MOK: variants seen among roughly 807,000 people sequenced by gnomAD.
MOK encodes MOK protein kinase.
A neutral mutation model predicts 54.2 loss-of-function variants in MOK; 59 were observed. The ratio of observed to expected loss-of-function variants is 1.09; its 90% CI spans 0.88 to 1.35. MOK has a LOEUF of 1.35. Ranked by LOEUF, MOK falls within the 40% of genes most tolerant of loss-of-function variation. The pLI, the probability that MOK is intolerant of heterozygous loss-of-function variation, is 0.00. For synonymous variants in MOK, 210 were observed against 202.7 expected, an observed-to-expected ratio of 1.04 and a Z score of -0.31; for missense variants, 517 against 526.2, an observed-to-expected ratio of 0.98 and a Z score of 0.17.
chr14:102,232,724 A>C lies in MOK; in HGVS notation c.693-16T>G, dbSNP rs759620152. 1 of 1,603,480 alleles carries C rather than the reference A, an allele frequency of 6.2e-7. No homozygotes were observed. The stretch of plus-strand genomic sequence containing the variant: ...AGCTCTCGACCTGTATTAAAAACCC[A>C]ATGATAATAAATGGTCATGCTGTCA... On this transcript the variant is annotated splice_polypyrimidine_tract_variant and intron_variant, in intron 8 of 11. Transcript: ENST00000361847. The surrounding 1 kb of genome is among the most constrained non-coding windows in gnomAD (Gnocchi z 5.1).
intron 2 of MOK, among the ~76,000 whole-genome samples, chr14:102,269,338 C>A (rs897873804): frequency 1.5e-4 from 23 of 152,072 alleles, no homozygotes; most frequent in African/African-American, 5.5e-4. Context: ...AGGTGCCCAC[C>A]ACTATCCCAG....
intron 2 of MOK, among the ~76,000 whole-genome samples, chr14:102,266,616 C>G (rs1009920935): frequency 6.6e-6 from 1 of 151,478 alleles, no homozygotes; most frequent in African/African-American, 2.4e-5. Flanking sequence ...GAGTTTCTCT[C>G]TTGTTGCCCA....
At position 102,229,129 on chromosome 14, in the gene MOK, G is replaced by T. The variant is rs1160269872; in HGVS notation, c.*160C>A. 2.9e-6 allele frequency: 2 copies of T among 688,634 alleles called. No individual in the cohort carries two copies. Among genetic ancestry groups the T allele is most frequent in the Admixed American group, 3.3e-5 (1 of 30,486 alleles). 42.7% of individuals were successfully genotyped at this position (688,634 alleles called of 1,614,324 possible). On this transcript the variant is annotated 3_prime_UTR_variant, in exon 12 of 12. Coordinates refer to ENST00000361847, the MANE Select transcript of MOK (RefSeq NM_014226.3). Reference sequence around the variant, plus strand: ...CATCCTAGGCAGCTGCGCGGGCCGCGGGTGCGGCAGGGCGCAGGGCAGCAC... The same window carrying T: ...CATCCTAGGCAGCTGCGCGGGCCGCTGGTGCGGCAGGGCGCAGGGCAGCAC...
chr14:102,286,256 G>A (rs1006745822), intron 1 of MOK, among the ~76,000 whole-genome samples: 20 of 128,070 alleles, frequency 1.6e-4, no homozygotes, highest in African/African-American at 2.4e-4. Context: ...CCGAGATCGC[G>A]CCACTGCACT....
At position 102,230,490 on chromosome 14, in the gene MOK, A is replaced by G. The variant is rs541739177; in HGVS notation, c.982-833T>C. ...CTCCAGCTCCTTTCACACTGCAGCA[A>G]AGCAGGGAGTGTAACGAACACCCCA... On this transcript the variant is annotated intron_variant, in intron 10 of 11. Transcript: ENST00000361847. The surrounding 1 kb of genome is among the most constrained non-coding windows in gnomAD (Gnocchi z 4.1). The G allele has an allele frequency of 6.6e-6, 1 of 152,382 alleles. No individual in the cohort carries two copies. Among genetic ancestry groups the G allele is most frequent in the East Asian group, 1.9e-4 (1 of 5,188 alleles). 9.4% of individuals were successfully genotyped at this position (152,382 alleles called of 1,614,324 possible).
chr14:102,283,594 TATAA>T lies in MOK; in HGVS notation c.8-6_8-3del. 1 of 1,574,456 alleles carries T rather than the reference TATAA, an allele frequency of 6.4e-7. No homozygotes were observed. The highest frequency in any genetic ancestry group is 8.7e-7 in the Non-Finnish European group (1 of 1,150,296). Reference sequence around the variant, plus strand: ...CTATTTTGCCAATTGCTTTATAGTCTATAAATAAAAATGATTACAAAAATAAAAT... The same window carrying T: ...CTATTTTGCCAATTGCTTTATAGTCTATAAAAATGATTACAAAAATAAAAT... On this transcript the variant is annotated splice_polypyrimidine_tract_variant and splice_region_variant and intron_variant, in intron 1 of 11. Transcript: ENST00000361847.
At position 102,238,413 on chromosome 14, in the gene MOK, C is replaced by T. The variant is rs1340029425; in HGVS notation, c.591-4624G>A. On this transcript the variant is annotated intron_variant, in intron 7 of 11. Coordinates refer to ENST00000361847, the MANE Select transcript of MOK (RefSeq NM_014226.3). This position sits in a 1 kb window ranked among gnomAD's most constrained non-coding sequence, Gnocchi z 4.8. The stretch of plus-strand genomic sequence containing the variant: ...CTGCCAAAGTGACCCTATCACTAAC[C>T]ACCCCCTTATTTACCAACTCCTTCA... 6.6e-6 allele frequency: 1 copy of T among 152,292 alleles called. No individual in the cohort carries two copies. The highest frequency in any genetic ancestry group is 2.4e-5 in the African/African-American group (1 of 41,440). The allele number at this position is 152,292 out of a possible 1,614,324, so 9.4% of individuals were successfully genotyped here.
At chr14:102,223,044 G>C, downstream of MOK, 1 of 689,656 alleles carries the variant, frequency 1.5e-6, no homozygotes, top group South Asian at 1.9e-5. Context: ...GCGGCGCCGT[G>C]CTCCCGCTGC....
intron 4 of MOK, among the ~76,000 whole-genome samples, chr14:102,259,784 G>A (rs939791819): frequency 6.6e-6 from 1 of 152,140 alleles, no homozygotes; most frequent in African/African-American, 2.4e-5. Context: ...AGTGGCTCAC[G>A]CTTGTAATCC....
intron 7 of MOK, among the ~76,000 whole-genome samples, chr14:102,246,756 C>T (rs1483197405): frequency 6.6e-6 from 1 of 152,188 alleles, no homozygotes; most frequent in Admixed American, 6.5e-5. Context: ...GGCCCTACCA[C>T]AGCTGTGATG....
downstream of MOK, among the ~76,000 whole-genome samples, chr14:102,221,773 A>G (rs1386454728): frequency 3.9e-5 from 6 of 152,198 alleles, no homozygotes; most frequent in East Asian, 9.6e-4. This position sits in a 1 kb window ranked among gnomAD's most constrained non-coding sequence, Gnocchi z 4.8. Flanking sequence ...TTGTGTCCAC[A>G]CAAGTCCAAT....
intron 2 of MOK, among the ~76,000 whole-genome samples, chr14:102,281,498 C>CAAAAAAAAAAAA (rs1184533713): frequency 2.1e-5 from 1 of 48,280 alleles, no homozygotes; most frequent in African/African-American, 6.7e-5. Context: ...GACCCTGACT[C>CAAAAAAAAAAAA]AAAAAAAAAA....
intron 1 of MOK, among the ~76,000 whole-genome samples, chr14:102,297,772 A>G (rs1389401199): frequency 2.6e-5 from 4 of 152,158 alleles, no homozygotes; most frequent in Non-Finnish European, 4.4e-5. Flanking sequence ...CGGGCCCCGC[A>G]CTAGGTGCGG....
At chr14:102,264,225 AAAAAAG>A (rs1266351685) in intron 3 of MOK, 8,689 of 149,742 alleles carry the variant, frequency 0.058, 433 homozygotes, top group African/African-American at 0.18. Context: ...AAAAAAAAAA[AAAAAAG>A]AAAGAAAGAA....
chr14:102,216,678 C>G, the MOK span, among the ~76,000 whole-genome samples: 2 of 152,138 alleles, frequency 1.3e-5, no homozygotes, highest in African/African-American at 4.8e-5. Flanking sequence ...GCCTGTAATC[C>G]CAGCACTTTG....
At chr14:102,227,172 C>T (rs960408904), downstream of MOK, among the ~76,000 whole-genome samples, 1 of 152,188 alleles carries the variant, frequency 6.6e-6, no homozygotes, top group African/African-American at 2.4e-5. Context: ...AAGACTTTCC[C>T]TTCATATTTT....
rs2065279393 is a variant in MOK, at chr14:102,236,992, C to T, written c.591-3203G>A. On this transcript the variant is annotated intron_variant, in intron 7 of 11. Transcript: ENST00000361847. The surrounding 1 kb of genome is among the most constrained non-coding windows in gnomAD (Gnocchi z 4.5). ...CCTCTACACTTCTCTGTCTCATTCC[C>T]TCCAACACCACCTGCTACACTGCTA... is the stretch of plus-strand genomic sequence containing the variant. Among the ~76,000 whole-genome samples, 1 of 152,142 alleles carries T rather than the reference C, an allele frequency of 6.6e-6. No homozygotes were observed. Among genetic ancestry groups the T allele is most frequent in the Admixed American group, 6.5e-5 (1 of 15,268 alleles).
At chr14:102,288,086 G>A (rs898404344) in intron 1 of MOK, among the ~76,000 whole-genome samples, 4 of 151,012 alleles carry the variant, frequency 2.6e-5, no homozygotes, top group African/African-American at 7.3e-5. Flanking sequence ...CACCCGCCTC[G>A]GCCTCCCAAA....
At chr14:102,298,160 G>C (rs2071666198) in intron 1 of MOK, among the ~76,000 whole-genome samples, 1 of 152,252 alleles carries the variant, frequency 6.6e-6, no homozygotes, top group Non-Finnish European at 1.5e-5. Context: ...CCTGAGTCTA[G>C]TGGGGACTTA....
Sources: gnomAD v4.1 joint callset for allele counts (sites outside exome capture counted in the v4.1 genomes callset) on GRCh38, gnomAD v4.1.1 for gene constraint, Gnocchi (gnomAD v3.1) non-coding constraint, MANE v1.5 for transcripts, NCBI Gene and HGNC (gene_info 2026-07-23, HGNC 2026-07-21) for gene names.